The following PLEKHG5 variants were observed in gnomAD, a reference collection of about 807,000 sequenced individuals.
The protein encoded by PLEKHG5 is pleckstrin homology and RhoGEF domain containing G5.
PLEKHG5 carries 52 observed loss-of-function variants against 103.8 expected under a neutral mutation model. That is an observed-to-expected ratio of 0.50 (90% CI 0.40 to 0.63). The LOEUF is 0.63. PLEKHG5 is among the 30% of genes least tolerant of loss of function. The pLI is 0.00. For synonymous variants in PLEKHG5, 592 were observed against 575.5 expected, an observed-to-expected ratio of 1.03 and a Z score of -0.41; for missense variants, 1,205 against 1,347.6, an observed-to-expected ratio of 0.89 and a Z score of 1.66.
At position 6,468,588 on chromosome 1, in the gene PLEKHG5, T is replaced by G; in HGVS notation, c.2250-2A>C. 2 of 1,612,884 alleles carry G rather than the reference T, an allele frequency of 1.2e-6. No homozygotes were observed. Among genetic ancestry groups the G allele is most frequent in the Non-Finnish European group, 1.7e-6 (2 of 1,179,932 alleles). ...GTCTCCGTGGAGCCATCTGAGGCAC[T>G]GTGGGGCCAGGAGCAGAGTCAGCCC... On this transcript the variant is annotated splice_acceptor_variant, in intron 19 of 20. Coordinates refer to ENST00000377728, the MANE Select transcript of PLEKHG5 (RefSeq NM_020631.6). LOFTEE classifies it high-confidence loss of function.
intron 1 of PLEKHG5, among the ~76,000 whole-genome samples, chr1:6,503,011 C>T (rs1645313680): frequency 6.6e-6 from 1 of 152,174 alleles, no homozygotes; most frequent in Non-Finnish European, 1.5e-5. Flanking sequence ...ATCTGGGTGC[C>T]ACCACTTGGG....
In PLEKHG5 at chr1:6,471,473, C is replaced by G. The variant is rs1311278122; in HGVS notation, c.1281+15G>C. ...CTGCCTCAGTGCCCCCGCCTGCGCC[C>G]GGCCCCGCCCGTACCATCTTGAAGC... On this transcript the variant is annotated intron_variant, in intron 12 of 20. Coordinates refer to ENST00000377728, the MANE Select transcript of PLEKHG5 (RefSeq NM_020631.6). 6.2e-7 allele frequency: 1 copy of G among 1,607,442 alleles called. No individual in the cohort carries two copies. The highest frequency in any genetic ancestry group is 1.1e-5 in the South Asian group (1 of 90,484).
intron 16 of PLEKHG5, 137 bp from the exon 17 acceptor site, chr1:6,469,813 G>T: frequency 1.3e-6 from 1 of 748,182 alleles, no homozygotes. Flanking sequence ...AAATTAAAAT[G>T]AAGAGGAAGA....
intron 1 of PLEKHG5, among the ~76,000 whole-genome samples, chr1:6,511,910 G>T (rs140856444): frequency 6.6e-6 from 1 of 152,210 alleles, no homozygotes; most frequent in Non-Finnish European, 1.5e-5. Context: ...CGGGGAGCCC[G>T]TGCTACTCTC....
intron 1 of PLEKHG5, among the ~76,000 whole-genome samples, chr1:6,504,193 C>T (rs1188113999): frequency 2.0e-5 from 3 of 152,122 alleles, no homozygotes; most frequent in African/African-American, 7.2e-5. Context: ...AGCAGCCTGC[C>T]CCCGATCCCA....
At chr1:6,474,306 C>A in intron 6 of PLEKHG5, 142 bp from the exon 7 acceptor site, 2 of 1,326,254 alleles carry the variant, frequency 1.5e-6, no homozygotes, top group East Asian at 5.0e-5. Context: ...CCTCCCCTCC[C>A]CCAGCAGCAT....
At chr1:6,468,676 C>T in intron 19 of PLEKHG5, 90 bp from the exon 20 acceptor site, 1 of 1,380,012 alleles carries the variant, frequency 7.2e-7, no homozygotes, top group East Asian at 2.3e-5. Context: ...TGGTTTATAC[C>T]CTCTGCCCTC....
chr1:6,472,671 G>C (rs1569866007), intron 9 of PLEKHG5, 49 bp from the exon 10 acceptor site: 1 of 1,401,602 alleles, frequency 7.1e-7, no homozygotes, highest in Admixed American at 1.8e-5. Flanking sequence ...AGCACCTTAG[G>C]GTGGCCGGGG....
chr1:6,468,673 T>G, intron 19 of PLEKHG5, 87 bp from the exon 20 acceptor site: 3 of 1,421,606 alleles, frequency 2.1e-6, no homozygotes, highest in Non-Finnish European at 3.0e-6. Context: ...CGGTGGTTTA[T>G]ACCCTCTGCC....
chr1:6,510,219 CT>C (rs1298942556), intron 1 of PLEKHG5, among the ~76,000 whole-genome samples: 1 of 152,242 alleles, frequency 6.6e-6, no homozygotes, highest in Admixed American at 6.5e-5. Flanking sequence ...GCCACTCCCC[CT>C]GCCCTCTGGC....
intron 16 of PLEKHG5, 108 bp from the exon 17 acceptor site, chr1:6,469,784 C>T: frequency 2.1e-6 from 2 of 943,348 alleles, no homozygotes; most frequent in Non-Finnish European, 3.3e-6. Context: ...ACACTCCTCC[C>T]ACCATGAACC....
At chr1:6,503,556 T>C (rs946685602) in intron 1 of PLEKHG5, among the ~76,000 whole-genome samples, 2 of 152,092 alleles carry the variant, frequency 1.3e-5, no homozygotes, top group Non-Finnish European at 2.9e-5. Flanking sequence ...TACAGGTGCC[T>C]GCCACCATGC....
At chr1:6,516,743 A>G (rs994801406) in intron 1 of PLEKHG5, among the ~76,000 whole-genome samples, 3 of 127,360 alleles carry the variant, frequency 2.4e-5, no homozygotes, top group East Asian at 2.2e-4. Context: ...GTGTATATAT[A>G]TGTGTGTGTG....
chr1:6,470,577 G>GCTGCCGCTC lies in PLEKHG5; in HGVS notation c.1600_1608dup (p.Glu534_Gln536dup), dbSNP rs993350766. 1 of 1,589,306 alleles carries GCTGCCGCTC rather than the reference G, an allele frequency of 6.3e-7. No individual in the cohort carries two copies. Among genetic ancestry groups the GCTGCCGCTC allele is most frequent in the Non-Finnish European group, 8.5e-7 (1 of 1,174,576 alleles). ...ATGCGGCTCACCACGGCCGCCAGCC[G>GCTGCCGCTC]CTGCCGCTCCTGCCGCTGCCGCATG... On this transcript the variant is annotated inframe_insertion, in exon 15 of 21. Coordinates refer to ENST00000377728, the MANE Select transcript of PLEKHG5 (RefSeq NM_020631.6).
chr1:6,494,118 A>ATTTTTTTTTT (rs36105555), upstream of PLEKHG5, among the ~76,000 whole-genome samples: 47 of 75,740 alleles, frequency 6.2e-4, 3 homozygotes, highest in African/African-American at 4.6e-3. Context: ...CACCTGGCTA[A>ATTTTTTTTTT]TTTTTTTTTT....
intron 1 of PLEKHG5, among the ~76,000 whole-genome samples, chr1:6,507,765 C>G (rs1266230886): frequency 3.9e-5 from 6 of 152,182 alleles, no homozygotes; most frequent in African/African-American, 1.4e-4. Flanking sequence ...CCTGGCCGGC[C>G]CCTCCCGCGC....
intron 1 of PLEKHG5, among the ~76,000 whole-genome samples, chr1:6,518,138 T>C (rs1294414129): frequency 6.6e-6 from 1 of 151,470 alleles, no homozygotes; most frequent in Non-Finnish European, 1.5e-5. Flanking sequence ...TTCACCATGT[T>C]AGCCAGGATG....
chr1:6,519,525 G>A (rs534148287), exon 1 of PLEKHG5: 23 of 1,610,386 alleles, frequency 1.4e-5, no homozygotes, highest in Non-Finnish European at 1.8e-5. Flanking sequence ...TGACCTCTGC[G>A]GTGGTGGCAC....
intron 2 of PLEKHG5, among the ~76,000 whole-genome samples, chr1:6,476,243 T>C (rs1285761449): frequency 6.6e-6 from 1 of 152,226 alleles, no homozygotes; most frequent in Non-Finnish European, 1.5e-5. Context: ...CAGGCTGGAG[T>C]GCAGTGGCAT....
Sources: gnomAD v4.1 joint callset for allele counts (sites outside exome capture counted in the v4.1 genomes callset) on GRCh38, gnomAD v4.1.1 for gene constraint, MANE v1.5 for transcripts, NCBI Gene and HGNC (gene_info 2026-07-23, HGNC 2026-07-21) for gene names.